ROR2: variants seen among roughly 807,000 people sequenced by gnomAD.
ROR2 encodes tyrosine-protein kinase transmembrane receptor ROR2.
A neutral mutation model predicts 74.9 loss-of-function variants in ROR2; 33 were observed. That is an observed-to-expected ratio of 0.44 (90% CI 0.33 to 0.59). ROR2 has a LOEUF of 0.59. ROR2 is among the 20% of genes least tolerant of loss of function. The pLI, the probability that ROR2 is intolerant of heterozygous loss-of-function variation, is 0.02. For synonymous variants in ROR2, 586 were observed against 558.7 expected (o/e 1.05, Z -0.69); for missense variants, 1,216 against 1,313.8 (o/e 0.93, Z 1.15).
At chr9:91,783,307 G>A (rs908536581) in intron 1 of ROR2, among the ~76,000 whole-genome samples, 10 of 152,200 alleles carry the variant, frequency 6.6e-5, no homozygotes, top group Admixed American at 1.3e-4. Flanking sequence ...ACCCATAAGG[G>A]AAAGCATTAT....
At chr9:91,750,074 A>AT (rs1477298522) in intron 4 of ROR2, among the ~76,000 whole-genome samples, 1 of 152,004 alleles carries the variant, frequency 6.6e-6, no homozygotes, top group Non-Finnish European at 1.5e-5. Context: ...GCTAATTTTT[A>AT]TATTTTTAGT....
chr9:91,879,599 T>G (rs535832332), intron 1 of ROR2, among the ~76,000 whole-genome samples: 53 of 152,290 alleles, frequency 3.5e-4, no homozygotes, highest in African/African-American at 1.2e-3. Flanking sequence ...ACTTTTGATA[T>G]ACACTCACGC....
rs144549472 is a variant in ROR2 at position 91,836,395 on chromosome 9, C to G, written c.98-60577G>C. Among the ~76,000 whole-genome samples, 8 of 152,200 alleles carry G rather than the reference C, an allele frequency of 5.3e-5. 1 individual carries two copies. The highest frequency in any genetic ancestry group is 1.0e-4 in the Non-Finnish European group (7 of 68,016). On this transcript the variant is annotated intron_variant, in intron 1 of 8. Coordinates refer to ENST00000375708, the MANE Select transcript of ROR2 (RefSeq NM_004560.4). ...TTTCTACTAAAAATACAAAAATTAG[C>G]CAGTCGTAGTGGTGCGTGCCTGTAG...
intron 1 of ROR2, among the ~76,000 whole-genome samples, chr9:91,845,465 C>T (rs1185733899): frequency 6.6e-6 from 1 of 152,156 alleles, no homozygotes; most frequent in Non-Finnish European, 1.5e-5. Context: ...CAAGCATATG[C>T]ACTAGGGGAG....
At chr9:91,927,275 G>A (rs1223489136) in intron 1 of ROR2, among the ~76,000 whole-genome samples, 1 of 152,208 alleles carries the variant, frequency 6.6e-6, no homozygotes, top group East Asian at 1.9e-4. Flanking sequence ...TCACTTGGTG[G>A]TCACCGCCCT....
chr9:91,815,934 G>A (rs556050477), intron 1 of ROR2, among the ~76,000 whole-genome samples: 1 of 152,230 alleles, frequency 6.6e-6, no homozygotes, highest in Non-Finnish European at 1.5e-5. Context: ...TGCCCCATGG[G>A]ACCCTACTGG....
At chr9:91,725,585 T>C (rs878903641) in intron 8 of ROR2, among the ~76,000 whole-genome samples, 1 of 152,196 alleles carries the variant, frequency 6.6e-6, no homozygotes, top group African/African-American at 2.4e-5. Context: ...ATTTTTGTCT[T>C]GGCAATTTTG....
At chr9:91,949,819 C>A (rs2118125059) in intron 1 of ROR2, 48 bp downstream of exon 1, 1 of 1,217,472 alleles carries the variant, frequency 8.2e-7, no homozygotes. Flanking sequence ...GCTGGCCAAG[C>A]GAGCCGTGAG....
In ROR2 at chr9:91,723,531, C is replaced by T; in HGVS notation, c.*131G>A. 2 of 1,367,376 alleles carry T rather than the reference C, an allele frequency of 1.5e-6. No homozygotes were observed. Among genetic ancestry groups the T allele is most frequent in the Non-Finnish European group, 2.0e-6 (2 of 1,003,068 alleles). 84.7% of individuals were successfully genotyped at this position (1,367,376 alleles called of 1,614,324 possible). A position where few individuals can be genotyped will look rare whatever the true frequency, so the allele number is the denominator to read the frequency against. ...GAGAGGAGCAGGGCTCCACCTCACCCAGTCTGCAAACAAGCCCACTGGCCG... is the reference window on the plus strand; with the variant it reads ...GAGAGGAGCAGGGCTCCACCTCACCTAGTCTGCAAACAAGCCCACTGGCCG... On this transcript the variant is annotated 3_prime_UTR_variant, in exon 9 of 9. Coordinates refer to ENST00000375708, the MANE Select transcript of ROR2 (RefSeq NM_004560.4).
intron 1 of ROR2, among the ~76,000 whole-genome samples, chr9:91,796,395 T>C (rs1158705269): frequency 1.4e-5 from 2 of 141,692 alleles, no homozygotes; most frequent in East Asian, 4.3e-4. Flanking sequence ...ATGGCAATAC[T>C]GCACTGCAGC....
chr9:91,886,676 G>GCTCC (rs1830284054), intron 1 of ROR2: 1 of 152,220 alleles, frequency 6.6e-6, no homozygotes, highest in Admixed American at 6.5e-5. Flanking sequence ...ACCAAATTCC[G>GCTCC]CTCCCGGGAT....
At chr9:91,786,223 A>AGACTGAGG (rs113758412) in intron 1 of ROR2, among the ~76,000 whole-genome samples, 8,329 of 150,302 alleles carry the variant, frequency 0.055, 461 homozygotes, top group Admixed American at 0.16. Context: ...GACACTCCAC[A>AGACTGAGG]GACTGAGGTG....
chr9:91,826,578 G>C (rs1380642311), intron 1 of ROR2, among the ~76,000 whole-genome samples: 2 of 151,930 alleles, frequency 1.3e-5, no homozygotes, highest in African/African-American at 4.8e-5. Context: ...TCAGGAGATC[G>C]AGACCATCCT....
intron 1 of ROR2, among the ~76,000 whole-genome samples, chr9:91,887,425 A>C (rs1230967670): frequency 6.6e-6 from 1 of 152,200 alleles, no homozygotes; most frequent in Non-Finnish European, 1.5e-5. Flanking sequence ...CTTTACATAA[A>C]TATCAAGCCT....
chr9:91,789,365 G>C (rs1469733780), intron 1 of ROR2, among the ~76,000 whole-genome samples: 1 of 152,166 alleles, frequency 6.6e-6, no homozygotes, highest in African/African-American at 2.4e-5. Flanking sequence ...TTCACATGAA[G>C]AGATAAATAA....
intron 1 of ROR2, among the ~76,000 whole-genome samples, chr9:91,836,611 T>C: frequency 6.6e-6 from 1 of 151,318 alleles, no homozygotes; most frequent in East Asian, 1.9e-4. Context: ...CCAGGTCTCC[T>C]CTGTCCTCTG....
At chr9:91,891,444 T>C (rs1294628982) in intron 1 of ROR2, among the ~76,000 whole-genome samples, 1 of 152,096 alleles carries the variant, frequency 6.6e-6, no homozygotes, top group Non-Finnish European at 1.5e-5. Flanking sequence ...AATTTTTGTA[T>C]TTTTAGTAGA....
intron 1 of ROR2, among the ~76,000 whole-genome samples, chr9:91,925,462 C>CTGTGTGTGTG (rs1224637296): frequency 3.1e-4 from 39 of 126,154 alleles, no homozygotes; most frequent in African/African-American, 1.3e-3. Context: ...TGTCAGCTGC[C>CTGTGTGTGTG]TGTATGTGTG....
chr9:91,831,064 C>A (rs1468736249), intron 1 of ROR2, among the ~76,000 whole-genome samples: 1 of 152,016 alleles, frequency 6.6e-6, no homozygotes, highest in African/African-American at 2.4e-5. Context: ...GAGTTCAAGA[C>A]CAGCCTGACC....
Sources: allele counts gnomAD v4.1 joint callset (sites outside exome capture counted in the v4.1 genomes callset), GRCh38; gene constraint gnomAD v4.1.1; transcripts MANE v1.5; gene names NCBI Gene and HGNC (gene_info 2026-07-23, HGNC 2026-07-21).